The following PKNOX1 variants were observed in gnomAD, a reference collection of about 807,000 sequenced individuals.
PKNOX1 encodes PBX/knotted 1 homeobox 1.
PKNOX1 carries 15 observed loss-of-function variants against 51.9 expected under a neutral mutation model. That is an observed-to-expected ratio of 0.29 (90% CI 0.19 to 0.45). PKNOX1 has a LOEUF of 0.45. PKNOX1 is among the 20% of genes least tolerant of loss of function. The pLI, the probability that PKNOX1 is intolerant of heterozygous loss-of-function variation, is 1.00. For synonymous variants in PKNOX1, 219 were observed against 211.1 expected (o/e 1.04, Z -0.32); for missense variants, 462 against 547.5 (o/e 0.84, Z 1.56).
chr21:42,974,850 G>A (rs1404063171), intron 1 of PKNOX1, among the ~76,000 whole-genome samples, 186 bp downstream of exon 1: 5 of 148,232 alleles, frequency 3.4e-5, no homozygotes, highest in Non-Finnish European at 7.5e-5. Context: ...GAGGGGGCGC[G>A]GGTGGGGGAG....
At chr21:43,026,058 T>C (rs373121725) in intron 9 of PKNOX1, among the ~76,000 whole-genome samples, 1 of 152,232 alleles carries the variant, frequency 6.6e-6, no homozygotes. Flanking sequence ...CTTGTTTTCC[T>C]GGAGCTATGT....
intron 1 of PKNOX1, among the ~76,000 whole-genome samples, chr21:42,994,392 G>A (rs922959341): frequency 4.7e-4 from 2 of 4,262 alleles, no homozygotes; most frequent in Non-Finnish European, 8.8e-4. Context: ...GGCCAGACTG[G>A]TCTTGAACTC....
At chr21:42,985,113 G>C (rs553022911) in intron 1 of PKNOX1, among the ~76,000 whole-genome samples, 1 of 145,376 alleles carries the variant, frequency 6.9e-6, no homozygotes, top group Non-Finnish European at 1.5e-5. Context: ...TCAGCCTCCC[G>C]AGTAGCTGGG....
chr21:43,031,748 C>T lies in PKNOX1; in HGVS notation c.*1647C>T, dbSNP rs1980279096. 2 of 155,146 alleles carry T rather than the reference C, an allele frequency of 1.3e-5. No homozygotes were observed. Among genetic ancestry groups the T allele is most frequent in the African/African-American group, 2.4e-5 (1 of 41,444 alleles). The allele number at this position is 155,146 out of a possible 1,614,324, so 9.6% of individuals were successfully genotyped here. On this transcript the variant is annotated 3_prime_UTR_variant, in exon 11 of 11. Transcript: ENST00000291547. Reference sequence around the variant, plus strand: ...AGTTTTTTCTGGAATTGATTTTTCCCAAAAGAATATATTAATTGAGGTTAA... The same window carrying T: ...AGTTTTTTCTGGAATTGATTTTTCCTAAAAGAATATATTAATTGAGGTTAA...
chr21:42,992,812 G>GCTTCCTCACAGCACTGGGGGC (rs1293211616), intron 1 of PKNOX1, among the ~76,000 whole-genome samples: 1 of 134,166 alleles, frequency 7.5e-6, no homozygotes, highest in Non-Finnish European at 1.6e-5. Context: ...GCACTGGGGG[G>GCTTCCTCACAGCACTGGGGGC]CTTCCTCACA....
intron 1 of PKNOX1, among the ~76,000 whole-genome samples, chr21:42,977,268 CAA>C (rs1244754651): frequency 1.3e-5 from 2 of 152,212 alleles, no homozygotes; most frequent in East Asian, 1.9e-4. Flanking sequence ...TTGCCCCTAA[CAA>C]GAGAGCCAGC....
intron 9 of PKNOX1, among the ~76,000 whole-genome samples, chr21:43,027,508 G>A (rs1332414768): frequency 6.6e-6 from 1 of 152,164 alleles, no homozygotes; most frequent in Non-Finnish European, 1.5e-5. Flanking sequence ...CACATTTAAA[G>A]GCAACAGCTC....
At chr21:42,980,350 C>T (rs1035086413) in intron 1 of PKNOX1, among the ~76,000 whole-genome samples, 1 of 149,956 alleles carries the variant, frequency 6.7e-6, no homozygotes, top group East Asian at 1.9e-4. Context: ...TCAGGCTGGG[C>T]GACAGAGCAA....
intron 5 of PKNOX1, among the ~76,000 whole-genome samples, chr21:43,014,421 C>G (rs1191514766): frequency 1.3e-5 from 2 of 152,078 alleles, no homozygotes; most frequent in East Asian, 3.8e-4. Flanking sequence ...ATGTGGTTTG[C>G]AAGTGTTTTC....
chr21:42,987,410 T>G (rs867838882), intron 1 of PKNOX1, among the ~76,000 whole-genome samples: 1 of 116,496 alleles, frequency 8.6e-6, no homozygotes, highest in Non-Finnish European at 1.8e-5. Context: ...AAAAAATATA[T>G]ATATATATAT....
At chr21:43,006,528 A>G (rs1223422303) in intron 2 of PKNOX1, among the ~76,000 whole-genome samples, 1 of 152,092 alleles carries the variant, frequency 6.6e-6, no homozygotes, top group Admixed American at 6.5e-5. Flanking sequence ...AAACATAAAC[A>G]GTTTTCCTAA....
chr21:42,997,477 A>T (rs1978559290), intron 1 of PKNOX1, among the ~76,000 whole-genome samples: 1 of 152,252 alleles, frequency 6.6e-6, no homozygotes, highest in Non-Finnish European at 1.5e-5. Flanking sequence ...GAGATGTGGG[A>T]TGAAGTCAAG....
intron 1 of PKNOX1, among the ~76,000 whole-genome samples, chr21:42,987,034 C>A (rs1397007987): frequency 6.6e-6 from 1 of 151,950 alleles, no homozygotes; most frequent in Non-Finnish European, 1.5e-5. Context: ...CATTACAGTA[C>A]ACAGGATAGT....
In PKNOX1 at chr21:43,007,390, C is replaced by T. The variant is rs543396614; in HGVS notation, c.52-101C>T. 1.5e-4 allele frequency: 153 copies of T among 1,019,174 alleles called. 1 individual carries two copies. The highest frequency in any genetic ancestry group is 4.1e-4 in the Admixed American group (23 of 55,876). 63.1% of individuals were successfully genotyped at this position (1,019,174 alleles called of 1,614,324 possible). ...TTTACATATGATTGCAGTCATACTG[C>T]TGTCTGGCAATTCCCCACTCCAACT... On this transcript the variant is annotated intron_variant, in intron 2 of 10. Coordinates refer to ENST00000291547, the MANE Select transcript of PKNOX1 (RefSeq NM_004571.5).
intron 7 of PKNOX1, among the ~76,000 whole-genome samples, chr21:43,019,744 G>A (rs1421508624): frequency 1.3e-5 from 2 of 151,998 alleles, no homozygotes; most frequent in East Asian, 1.9e-4. Flanking sequence ...GTTTCACCAC[G>A]TTGGCCAGTC....
intron 7 of PKNOX1, among the ~76,000 whole-genome samples, chr21:43,018,488 A>G: frequency 4.4e-4 from 2 of 4,506 alleles, no homozygotes; most frequent in African/African-American, 1.1e-3. Context: ...ACACACACAC[A>G]CACACACACA....
Position 43,033,801 on chromosome 21 carries a change from C to T in PKNOX1, c.*3700C>T, listed in dbSNP as rs184080078. 509 of 152,270 alleles carry T rather than the reference C, an allele frequency of 3.3e-3. 2 individuals carry two copies. The highest frequency in any genetic ancestry group is 0.012 in the African/African-American group (478 of 41,558). 9.4% of individuals were successfully genotyped at this position (152,270 alleles called of 1,614,324 possible). ...TTACTTTGTTCATTCATTGGCTGTT[C>T]AGGCAGAAAATGGAAACAGGTAGCT... On this transcript the variant is annotated 3_prime_UTR_variant, in exon 11 of 11. Transcript: ENST00000291547.
intron 9 of PKNOX1, among the ~76,000 whole-genome samples, chr21:43,027,668 C>G (rs1461617659): frequency 6.6e-6 from 1 of 151,410 alleles, no homozygotes; most frequent in Non-Finnish European, 1.5e-5. Flanking sequence ...ATCTGTAATC[C>G]CAGCACTTTC....
At chr21:42,979,547 C>T (rs910557851) in intron 1 of PKNOX1, among the ~76,000 whole-genome samples, 5 of 152,100 alleles carry the variant, frequency 3.3e-5, no homozygotes, top group African/African-American at 9.7e-5. Flanking sequence ...TCGAGACCAT[C>T]CTGGCTAACA....
Sources: gnomAD v4.1 joint callset for allele counts (sites outside exome capture counted in the v4.1 genomes callset) on GRCh38, gnomAD v4.1.1 for gene constraint, MANE v1.5 for transcripts, NCBI Gene and HGNC (gene_info 2026-07-23, HGNC 2026-07-21) for gene names.